Variants in WBP4 observed in about 807,000 individuals in gnomAD.
The protein encoded by WBP4 is WW domain binding protein 4, also known as WW domain-binding protein 4.
WBP4 carries 37 observed loss-of-function variants against 55.4 expected under a neutral mutation model. The ratio of observed to expected loss-of-function variants is 0.67; its 90% CI spans 0.51 to 0.88. The LOEUF is 0.88. Ranked by LOEUF, WBP4 falls within the 40% of genes least tolerant of loss-of-function variation. The pLI is 0.00. For missense variants in WBP4, 398 were observed against 420.8 expected (o/e 0.95, Z 0.47); for synonymous variants, 142 against 140.2 (o/e 1.01, Z -0.09).
intron 5 of WBP4, among the ~76,000 whole-genome samples, chr13:41,070,977 G>A (rs1176962659): frequency 6.6e-6 from 1 of 152,134 alleles, no homozygotes; most frequent in African/African-American, 2.4e-5. Context: ...TTGTAGTTTA[G>A]CAATGAAGAT....
intron 6 of WBP4, 101 bp from the exon 7 acceptor site, chr13:41,072,675 TATCACC>T: frequency 1.2e-6 from 1 of 860,472 alleles, no homozygotes; most frequent in Admixed American, 2.4e-5. Flanking sequence ...ATCGAGATGA[TATCACC>T]AGGTGTCAGG....
intron 8 of WBP4, among the ~76,000 whole-genome samples, chr13:41,079,987 CACTT>C (rs1878694201): frequency 6.8e-6 from 1 of 147,712 alleles, no homozygotes. Flanking sequence ...TACATGTTCT[CACTT>C]ATAAGTGGGA....
chr13:41,074,649 CAT>C (rs1878397931), intron 7 of WBP4, among the ~76,000 whole-genome samples: 1 of 152,164 alleles, frequency 6.6e-6, no homozygotes, highest in African/African-American at 2.4e-5. Context: ...TCATGAATGT[CAT>C]ATGTCATAAA....
At chr13:41,066,680 T>A (rs1268309425) in intron 4 of WBP4, among the ~76,000 whole-genome samples, 1 of 152,246 alleles carries the variant, frequency 6.6e-6, no homozygotes, top group African/African-American at 2.4e-5. Flanking sequence ...TAGCCACTGT[T>A]ATTTTGTCTC....
At chr13:41,074,289 A>C (rs1443317129) in intron 7 of WBP4, among the ~76,000 whole-genome samples, 1 of 152,214 alleles carries the variant, frequency 6.6e-6, no homozygotes, top group Non-Finnish European at 1.5e-5. Context: ...TGAATTTATC[A>C]GAACAGCTAT....
intron 4 of WBP4, among the ~76,000 whole-genome samples, chr13:41,068,043 C>CT (rs1056131719): frequency 2.6e-5 from 4 of 151,724 alleles, no homozygotes; most frequent in Non-Finnish European, 5.9e-5. Context: ...TCTTTATTTC[C>CT]TTTTTTTAAT....
chr13:41,081,498 CAAAAAAAAAAA>C (rs555764002), intron 9 of WBP4, among the ~76,000 whole-genome samples: 2 of 81,188 alleles, frequency 2.5e-5, no homozygotes, highest in South Asian at 3.9e-4. Context: ...ACCTTGTCTC[CAAAAAAAAAAA>C]AAAAAAAAAA....
chr13:41,071,632 G>C, intron 6 of WBP4, 59 bp downstream of exon 6: 2 of 1,492,076 alleles, frequency 1.3e-6, no homozygotes, highest in Non-Finnish European at 1.8e-6. Context: ...TCGTTTCTTA[G>C]GTTTTTGTAG....
At chr13:41,063,349 G>A (rs1009510297) in intron 2 of WBP4, among the ~76,000 whole-genome samples, 9 of 152,152 alleles carry the variant, frequency 5.9e-5, no homozygotes, top group African/African-American at 2.2e-4. Flanking sequence ...TATATTTTAT[G>A]TTGATACCGT....
Position 41,061,668 on chromosome 13 carries a change from G to T in WBP4, c.-6G>T. 2 of 1,614,026 alleles carry T rather than the reference G, an allele frequency of 1.2e-6. No individual in the cohort carries two copies. Among genetic ancestry groups the T allele is most frequent in the Middle Eastern group, 1.7e-4 (1 of 6,052 alleles). On this transcript the variant is annotated 5_prime_UTR_variant, in exon 1 of 10. Transcript: ENST00000379487. ...CTGGACGACTTGCAGAGCGGCTGGC[G>T]CAGTCATGTGAGTTGGGTCTCAGGC...
intron 4 of WBP4, among the ~76,000 whole-genome samples, chr13:41,066,567 T>A (rs1015094511): frequency 4.6e-5 from 7 of 152,206 alleles, no homozygotes; most frequent in Non-Finnish European, 7.3e-5. Context: ...CAAGCAGAAT[T>A]TCCTCTTGCT....
Position 41,062,686 on chromosome 13 carries a change from C to A in WBP4, c.45C>A (p.Tyr15Ter). The A allele has an allele frequency of 1.2e-6, 2 of 1,613,724 alleles. No homozygotes were observed. The highest frequency in any genetic ancestry group is 2.2e-5 in the South Asian group (2 of 91,028). Residue 15 changes from tyrosine to a stop codon, truncating the protein, a stop_gained, in exon 2 of 10, where the codon TAC becomes TAA. Transcript: ENST00000379487. LOFTEE classifies it high-confidence loss of function. ...WKSQPKKFCD[Y>*]CKCWIADNRP... ...CACAGCCAAAGAAATTCTGTGATTA[C>A]TGCAAGTGCTGGATAGCAGACAATA...
At chr13:41,065,143 T>G in intron 3 of WBP4, 21 bp from the exon 4 acceptor site, 1 of 1,603,270 alleles carries the variant, frequency 6.2e-7, no homozygotes, top group Non-Finnish European at 8.5e-7. Context: ...TCACTTTCAC[T>G]GTTATGTATG....
chr13:41,080,577 G>T, intron 8 of WBP4, 69 bp from the exon 9 acceptor site: 2 of 1,211,930 alleles, frequency 1.7e-6, no homozygotes, highest in Non-Finnish European at 2.3e-6. Flanking sequence ...ACCTTTAAAA[G>T]CCTTAAATTT....
At chr13:41,080,196 C>G (rs1407230580) in intron 8 of WBP4, among the ~76,000 whole-genome samples, 1 of 151,918 alleles carries the variant, frequency 6.6e-6, no homozygotes, top group Non-Finnish European at 1.5e-5. Flanking sequence ...CATTTGTGCC[C>G]CCTAAGTTAT....
At chr13:41,062,548 G>A in intron 1 of WBP4, 96 bp from the exon 2 acceptor site, 2 of 1,052,962 alleles carry the variant, frequency 1.9e-6, no homozygotes, top group Non-Finnish European at 2.8e-6. Flanking sequence ...TCAGTAGCAG[G>A]GGCATATATT....
chr13:41,062,096 G>GT (rs60658317), intron 1 of WBP4: 184,947 of 792,538 alleles, frequency 0.23, 12,496 homozygotes, highest in Admixed American at 0.5. Flanking sequence ...TAGCGTAATG[G>GT]TTTTTTTTTT....
chr13:41,083,917 A>G lies in WBP4; in HGVS notation c.*1003A>G, dbSNP rs890551958. ...AAATTACATTTCTCATAAATTGTAT[A>G]GTATTTAACTTATAATAGTTAATAT... On this transcript the variant is annotated 3_prime_UTR_variant, in exon 10 of 10. Coordinates refer to ENST00000379487, the MANE Select transcript of WBP4 (RefSeq NM_007187.5). 1 of 152,218 alleles carries G rather than the reference A, an allele frequency of 6.6e-6. No homozygotes were observed. Among genetic ancestry groups the G allele is most frequent in the Non-Finnish European group, 1.5e-5 (1 of 68,032 alleles). The allele number at this position is 152,218 out of a possible 1,614,324, so 9.4% of individuals were successfully genotyped here.
intron 4 of WBP4, among the ~76,000 whole-genome samples, chr13:41,066,833 G>A (rs1162291299): frequency 6.6e-6 from 1 of 152,122 alleles, no homozygotes; most frequent in Non-Finnish European, 1.5e-5. Flanking sequence ...GTTTCTGGAA[G>A]TTACAGTATA....
Sources: allele counts gnomAD v4.1 joint callset (sites outside exome capture counted in the v4.1 genomes callset), GRCh38; gene constraint gnomAD v4.1.1; transcripts MANE v1.5; gene names NCBI Gene and HGNC (gene_info 2026-07-23, HGNC 2026-07-21).